Variants in TBC1D22A observed in about 807,000 individuals in gnomAD.
TBC1D22A encodes putative GTPase activator.
A neutral mutation model predicts 60.2 loss-of-function variants in TBC1D22A; 38 were observed. The ratio of observed to expected loss-of-function variants is 0.63; its 90% CI spans 0.49 to 0.83. The LOEUF is 0.83. Among genes scored for constraint, TBC1D22A ranks in the 40% least tolerant of loss-of-function variants. TBC1D22A has a pLI of 0.00. For synonymous variants in TBC1D22A, 302 were observed against 281.7 expected, an observed-to-expected ratio of 1.07 and a Z score of -0.72; for missense variants, 628 against 701.0, an observed-to-expected ratio of 0.90 and a Z score of 1.18.
intron 11 of TBC1D22A, among the ~76,000 whole-genome samples, chr22:47,041,016 G>A (rs1465420902): frequency 2.0e-5 from 3 of 152,270 alleles, no homozygotes; most frequent in South Asian, 4.1e-4. Context: ...TCCTGTGCAG[G>A]TGGCGGGGGA....
chr22:46,890,855 G>A lies in TBC1D22A; in HGVS notation c.709-411G>A, dbSNP rs188981367. Among the ~76,000 whole-genome samples, 12 of 152,320 alleles carry A rather than the reference G, an allele frequency of 7.9e-5. No individual in the cohort carries two copies. In the East Asian group the frequency reaches 9.6e-4, roughly 12 times the overall value. ...GTGTGTGTGCGTGGGGTGTGTGTGC[G>A]TGGTTGCTGTTAGAAGACAGTTCAG... is the stretch of plus-strand genomic sequence containing the variant. On this transcript the variant is annotated intron_variant, in intron 5 of 12. Transcript: ENST00000337137.
At chr22:47,112,661 A>G (rs1376032997) in intron 12 of TBC1D22A, among the ~76,000 whole-genome samples, 1 of 152,162 alleles carries the variant, frequency 6.6e-6, no homozygotes, top group African/African-American at 2.4e-5. Flanking sequence ...AGCAGATGGA[A>G]CCCAGCCCGG....
At chr22:46,779,270 A>G (rs1158069925) in intron 1 of TBC1D22A, among the ~76,000 whole-genome samples, 1 of 152,120 alleles carries the variant, frequency 6.6e-6, no homozygotes, top group African/African-American at 2.4e-5. Context: ...GGTGACAGGA[A>G]TTTTTCAACT....
chr22:47,024,346 T>C (rs2062183352), intron 10 of TBC1D22A, among the ~76,000 whole-genome samples: 1 of 152,188 alleles, frequency 6.6e-6, no homozygotes. Flanking sequence ...AATAGTAGTA[T>C]GGCAGGTTCT....
chr22:47,096,468 G>C (rs1467730050), intron 11 of TBC1D22A, among the ~76,000 whole-genome samples: 1 of 152,178 alleles, frequency 6.6e-6, no homozygotes, highest in Non-Finnish European at 1.5e-5. Context: ...TAATTATAGT[G>C]TCTTTTGTCA....
At chr22:46,938,627 C>T (rs1292915083) in intron 8 of TBC1D22A, among the ~76,000 whole-genome samples, 3 of 149,280 alleles carry the variant, frequency 2.0e-5, no homozygotes, top group African/African-American at 7.5e-5. Flanking sequence ...GCTCTGTTGC[C>T]CAGGCTGGAG....
chr22:47,062,599 G>A (rs131927), intron 11 of TBC1D22A, among the ~76,000 whole-genome samples: 71,365 of 151,778 alleles, frequency 0.47, 17,462 homozygotes, highest in East Asian at 0.59. Context: ...TTCTATTCCT[G>A]TCACGACATA....
chr22:46,867,702 A>G (rs1261521879), intron 4 of TBC1D22A, among the ~76,000 whole-genome samples: 2 of 152,262 alleles, frequency 1.3e-5, no homozygotes, highest in Non-Finnish European at 2.9e-5. Flanking sequence ...AAAAGCATCT[A>G]TAGATGACAT....
At chr22:47,019,517 T>C (rs1294850263) in intron 10 of TBC1D22A, among the ~76,000 whole-genome samples, 1 of 152,014 alleles carries the variant, frequency 6.6e-6, no homozygotes, top group East Asian at 1.9e-4. Context: ...ACATCGGTGC[T>C]GAGTCTCGTA....
intron 10 of TBC1D22A, among the ~76,000 whole-genome samples, chr22:47,027,689 C>T (rs2062306239): frequency 6.6e-6 from 1 of 152,216 alleles, no homozygotes; most frequent in African/African-American, 2.4e-5. Flanking sequence ...AGCAAGATTT[C>T]TTGGAATAAT....
At chr22:47,043,343 G>A (rs1374804127) in intron 11 of TBC1D22A, among the ~76,000 whole-genome samples, 1 of 152,180 alleles carries the variant, frequency 6.6e-6, no homozygotes, top group African/African-American at 2.4e-5. Context: ...AGGTGGGCCG[G>A]GGCGACGGGC....
chr22:46,932,755 C>T (rs368673243), intron 8 of TBC1D22A, among the ~76,000 whole-genome samples: 3 of 128,814 alleles, frequency 2.3e-5, no homozygotes, highest in South Asian at 2.4e-4. Flanking sequence ...GATGGAGTCT[C>T]GCCCTGTTGC....
chr22:46,975,163 A>G (rs1481754453), intron 9 of TBC1D22A, among the ~76,000 whole-genome samples: 1 of 152,144 alleles, frequency 6.6e-6, no homozygotes, highest in Non-Finnish European at 1.5e-5. Flanking sequence ...ATTTGAGGCC[A>G]GTACATCCTT....
intron 1 of TBC1D22A, among the ~76,000 whole-genome samples, chr22:46,773,768 G>A (rs2083586535): frequency 6.6e-6 from 1 of 152,126 alleles, no homozygotes; most frequent in Admixed American, 6.5e-5. Context: ...CACTGCACCC[G>A]GCGGGCTAGA....
At chr22:47,064,059 C>T (rs7284577) in intron 11 of TBC1D22A, among the ~76,000 whole-genome samples, 70,591 of 150,174 alleles carry the variant, frequency 0.47, 17,497 homozygotes, top group East Asian at 0.59. Flanking sequence ...TGAACTGCAT[C>T]TCCAGATGCC....
chr22:47,159,325 A>G (rs111065239), intron 12 of TBC1D22A, among the ~76,000 whole-genome samples: 5,556 of 77,304 alleles, frequency 0.072, 142 homozygotes, highest in Non-Finnish European at 0.11. Flanking sequence ...ATACACACAC[A>G]TGTATACACA....
chr22:47,143,867 C>T (rs2067194531), intron 12 of TBC1D22A, among the ~76,000 whole-genome samples: 1 of 152,358 alleles, frequency 6.6e-6, no homozygotes, highest in African/African-American at 2.4e-5. Flanking sequence ...CTCCGCTTCT[C>T]CTGCAGAGAT....
At chr22:47,045,491 A>T (rs1297777748) in intron 11 of TBC1D22A, among the ~76,000 whole-genome samples, 1 of 152,224 alleles carries the variant, frequency 6.6e-6, no homozygotes, top group East Asian at 1.9e-4. Flanking sequence ...TCCAAAGTAG[A>T]CAAGAGTCCT....
intron 8 of TBC1D22A, among the ~76,000 whole-genome samples, chr22:46,933,315 C>T (rs1157933586): frequency 1.3e-5 from 2 of 152,204 alleles, no homozygotes; most frequent in African/African-American, 4.8e-5. Flanking sequence ...GGTGCAGGTC[C>T]TGGGCCTCAG....
Sources: gnomAD v4.1 joint callset for allele counts (sites outside exome capture counted in the v4.1 genomes callset) on GRCh38, gnomAD v4.1.1 for gene constraint, MANE v1.5 for transcripts, NCBI Gene and HGNC (gene_info 2026-07-23, HGNC 2026-07-21) for gene names.